Variants in PECR observed in about 807,000 individuals in gnomAD.
PECR encodes 2,4-dienoyl-CoA reductase-related protein.
PECR carries 30 observed loss-of-function variants against 35.3 expected under a neutral mutation model. The ratio of observed to expected loss-of-function variants is 0.85; its 90% CI spans 0.64 to 1.15. The LOEUF is 1.15. Among genes scored for constraint, PECR ranks in the 50% most tolerant of loss-of-function variants. PECR has a pLI of 0.00. For missense variants in PECR, 392 were observed against 370.8 expected, an observed-to-expected ratio of 1.06 and a Z score of -0.47; for synonymous variants, 148 against 138.9, an observed-to-expected ratio of 1.07 and a Z score of -0.46.
At chr2:216,076,071 G>A (rs945688473) in intron 1 of PECR, among the ~76,000 whole-genome samples, 6 of 152,178 alleles carry the variant, frequency 3.9e-5, no homozygotes, top group African/African-American at 1.4e-4. Flanking sequence ...ACAATATCCT[G>A]CTTTTGTGAG....
chr2:216,053,357 C>A (rs1323447698), intron 4 of PECR, among the ~76,000 whole-genome samples: 1 of 152,070 alleles, frequency 6.6e-6, no homozygotes, highest in East Asian at 1.9e-4. Flanking sequence ...CATTCTCCTG[C>A]CTCAGCCTCC....
At chr2:216,061,900 A>T (rs1695361507) in intron 3 of PECR, among the ~76,000 whole-genome samples, 1 of 152,160 alleles carries the variant, frequency 6.6e-6, no homozygotes, top group Non-Finnish European at 1.5e-5. Flanking sequence ...TTTAAGAGAT[A>T]TATAAACAAA....
downstream of PECR, among the ~76,000 whole-genome samples, chr2:216,035,585 C>T (rs1396584105): frequency 6.6e-6 from 1 of 151,444 alleles, no homozygotes; most frequent in Admixed American, 6.6e-5. Flanking sequence ...CCCTCAGGTT[C>T]AAGTGATTCT....
chr2:216,037,601 A>C (rs1248823397), downstream of PECR, among the ~76,000 whole-genome samples: 1 of 152,218 alleles, frequency 6.6e-6, no homozygotes, highest in Non-Finnish European at 1.5e-5. Flanking sequence ...ACAAAATTGA[A>C]GGACACACTC....
intron 4 of PECR, among the ~76,000 whole-genome samples, chr2:216,054,376 T>C (rs1441805406): frequency 5.1e-5 from 7 of 138,472 alleles, no homozygotes; most frequent in Non-Finnish European, 7.5e-5. Context: ...TCTTTCTTTT[T>C]TTTTTTTTTT....
chr2:216,066,504 T>C lies in PECR; in HGVS notation c.139A>G (p.Ile47Val). 6.2e-7 allele frequency: 1 copy of C among 1,614,026 alleles called. No homozygotes were observed. ...ELLELGSNVVIASRKLERLKS... is the reference protein window; with the variant it reads ...ELLELGSNVVVASRKLERLKS... ...AATCTCTCCAACTTACGGGATGCAA[T>C]GACCACATTACTCCCTGAGGAGAAA... Residue 47 changes from isoleucine (I) to valine (V), a missense_variant, in exon 2 of 8, where the codon ATT becomes GTT. Ile to Val is a conservative substitution (Grantham distance 29). Coordinates refer to ENST00000265322, the MANE Select transcript of PECR (RefSeq NM_018441.6).
At chr2:216,042,929 A>T (rs2105943470) in intron 7 of PECR, among the ~76,000 whole-genome samples, 1 of 145,890 alleles carries the variant, frequency 6.9e-6, no homozygotes, top group African/African-American at 2.5e-5. Context: ...ACTAACTGTT[A>T]TATATATACA....
rs1034728874 is a variant in PECR, at chr2:216,039,060, T to C, written c.*215A>G. The stretch of plus-strand genomic sequence containing the variant: ...AAAGTCATTAAAATATGTTAATTTC[T>C]GTTACTTATACATTTTTAAATCATA... On this transcript the variant is annotated 3_prime_UTR_variant, in exon 8 of 8. Transcript: ENST00000265322. The C allele has an allele frequency of 4.8e-5, 20 of 420,924 alleles. No homozygotes were observed. The highest frequency in any genetic ancestry group is 7.8e-5 in the Non-Finnish European group (18 of 232,106). The allele number at this position is 420,924 out of a possible 1,614,324, so 26.1% of individuals were successfully genotyped here.
chr2:216,054,917 C>T (rs753902843), intron 4 of PECR, among the ~76,000 whole-genome samples: 30 of 149,380 alleles, frequency 2.0e-4, no homozygotes, highest in Non-Finnish European at 3.7e-4. Flanking sequence ...TCAAGACCAG[C>T]CTGGCCAGCA....
At chr2:216,072,567 T>A (rs1463558692) in intron 1 of PECR, among the ~76,000 whole-genome samples, 2 of 152,160 alleles carry the variant, frequency 1.3e-5, no homozygotes. Flanking sequence ...TATTCTACTC[T>A]GTATGTCCAT....
intron 4 of PECR, among the ~76,000 whole-genome samples, chr2:216,054,454 GC>G (rs202082951): frequency 0.01 from 1,406 of 137,974 alleles, 8 homozygotes; most frequent in Middle Eastern, 0.024. Flanking sequence ...TCATACCTCA[GC>G]CCCCCGAGTA....
At chr2:216,066,666 TATC>T (rs1422468932) in intron 1 of PECR, 148 bp from the exon 2 acceptor site, 40 of 750,338 alleles carry the variant, frequency 5.3e-5, no homozygotes, top group Admixed American at 5.3e-4. Context: ...TGAAAAAATA[TATC>T]ATGTGTTCCA....
At chr2:216,048,537 T>C (rs977717739) in intron 6 of PECR, among the ~76,000 whole-genome samples, 1 of 151,686 alleles carries the variant, frequency 6.6e-6, no homozygotes, top group African/African-American at 2.4e-5. Context: ...TGGTGAAACT[T>C]CGCCTCTACT....
rs1217472297 is a variant in PECR at position 216,060,103 on chromosome 2, CTTT to C, written c.425-1130_425-1128del. On this transcript the variant is annotated intron_variant, in intron 3 of 7. Transcript: ENST00000265322. ...CAGTTTGTGGCATACAAGTCTTACA[CTTT>C]TTTGTTAACCTCATTGTTAAATATT... 2.0e-5 allele frequency among the ~76,000 whole-genome samples: 3 copies of C among 152,260 alleles called. 1 individual carries two copies. The highest frequency in any genetic ancestry group is 7.2e-5 in the African/African-American group (3 of 41,560).
intron 1 of PECR, among the ~76,000 whole-genome samples, chr2:216,079,020 A>G (rs1695768687): frequency 6.6e-6 from 1 of 152,228 alleles, no homozygotes; most frequent in South Asian, 2.1e-4. Flanking sequence ...TATCTGACCT[A>G]TGCATGAATT....
downstream of PECR, among the ~76,000 whole-genome samples, chr2:216,035,775 C>T (rs1020111367): frequency 1.3e-5 from 2 of 152,216 alleles, no homozygotes; most frequent in African/African-American, 4.8e-5. Flanking sequence ...GCATGAGTCA[C>T]TGCGCCCAGC....
chr2:216,066,586 G>C, intron 1 of PECR, 68 bp from the exon 2 acceptor site: 1 of 1,452,242 alleles, frequency 6.9e-7, no homozygotes, highest in Non-Finnish European at 9.7e-7. Flanking sequence ...ATTACACCTT[G>C]AAAAGTAAAC....
chr2:216,048,046 G>T (rs1194796469), intron 6 of PECR, among the ~76,000 whole-genome samples: 1 of 150,394 alleles, frequency 6.6e-6, no homozygotes, highest in Non-Finnish European at 1.5e-5. Context: ...TATTATTGTG[G>T]GAAAGACATC....
chr2:216,070,993 G>A lies in PECR; in HGVS notation c.125-4475C>T, dbSNP rs1173632084. On this transcript the variant is annotated intron_variant, in intron 1 of 7. Coordinates refer to ENST00000265322, the MANE Select transcript of PECR (RefSeq NM_018441.6). ...ATCACGACCCTCACTCTTTCAGCCT[G>A]CAACATCTCTCCCTTTTTGTTTTTG... Among the ~76,000 whole-genome samples, 4 of 152,332 alleles carry A rather than the reference G, an allele frequency of 2.6e-5. No homozygotes were observed. The South Asian group carries it at 8.3e-4, about 32-fold the overall frequency.
Sources: allele counts gnomAD v4.1 joint callset (sites outside exome capture counted in the v4.1 genomes callset), GRCh38; gene constraint gnomAD v4.1.1; transcripts MANE v1.5; gene names NCBI Gene and HGNC (gene_info 2026-07-23, HGNC 2026-07-21).